DLG2: variants seen among roughly 807,000 people sequenced by gnomAD.
The protein encoded by DLG2 is disks large homolog 2.
DLG2 carries 45 observed loss-of-function variants against 132.5 expected under a neutral mutation model. That is an observed-to-expected ratio of 0.34 (90% CI 0.27 to 0.44). The LOEUF (loss-of-function observed/expected upper bound fraction) is 0.44. Ranked by LOEUF, DLG2 falls within the 20% of genes least tolerant of loss-of-function variation. The pLI is 1.00. For synonymous variants in DLG2, 424 were observed against 419.6 expected (o/e 1.01, Z -0.13); for missense variants, 1,045 against 1,196.9 (o/e 0.87, Z 1.87).
intron 10 of DLG2, among the ~76,000 whole-genome samples, chr11:84,090,702 T>G (rs1437101661): frequency 1.3e-5 from 2 of 152,162 alleles, no homozygotes; most frequent in Non-Finnish European, 2.9e-5. Flanking sequence ...TGGAAAGAAA[T>G]TTGGTAACAT....
intron 6 of DLG2, among the ~76,000 whole-genome samples, chr11:84,801,741 C>T (rs190766117): frequency 5.3e-5 from 8 of 152,206 alleles, no homozygotes; most frequent in Admixed American, 3.3e-4. Flanking sequence ...CCATAAAATA[C>T]TTAAAGTCTT....
intron 6 of DLG2, among the ~76,000 whole-genome samples, chr11:84,771,080 C>A (rs1037847195): frequency 1.3e-5 from 2 of 152,074 alleles, no homozygotes; most frequent in African/African-American, 4.8e-5. Context: ...CTGCAGTAAA[C>A]GTGTGGTATG....
chr11:84,000,173 T>A (rs973809904), intron 11 of DLG2, among the ~76,000 whole-genome samples: 1 of 152,110 alleles, frequency 6.6e-6, no homozygotes, highest in African/African-American at 2.4e-5. Context: ...GAGATAGATA[T>A]CATACAAAAG....
chr11:84,133,841 T>C (rs1018543260), intron 9 of DLG2, among the ~76,000 whole-genome samples: 20 of 152,032 alleles, frequency 1.3e-4, no homozygotes, highest in African/African-American at 4.8e-4. Flanking sequence ...AGGAACAATA[T>C]AGGATATCTG....
intron 5 of DLG2, among the ~76,000 whole-genome samples, chr11:85,118,952 A>T (rs866967941): frequency 6.6e-6 from 1 of 151,692 alleles, no homozygotes; most frequent in African/African-American, 2.4e-5. Flanking sequence ...TAGTAATAAG[A>T]TAAATACTAT....
chr11:85,615,305 C>G (rs1468551623), intron 2 of DLG2, among the ~76,000 whole-genome samples: 2 of 152,082 alleles, frequency 1.3e-5, no homozygotes, highest in Non-Finnish European at 2.9e-5. Flanking sequence ...TCACTTTGAG[C>G]TCAGGAGTTC....
chr11:84,723,572 C>T lies in DLG2; in HGVS notation c.358-188841G>A, dbSNP rs936446904. On this transcript the variant is annotated intron_variant, in intron 6 of 27. Transcript: ENST00000376104. ...GGGGAAAGTGGTTTCCATGACAATG[C>T]ATTCCATAGTTACAGCCAGTAACCA... Among the ~76,000 whole-genome samples, 54 of 152,096 alleles carry T rather than the reference C, an allele frequency of 3.6e-4. 1 individual carries two copies.
chr11:83,471,111 A>G (rs2091968977), intron 24 of DLG2, among the ~76,000 whole-genome samples: 1 of 152,116 alleles, frequency 6.6e-6, no homozygotes, highest in African/African-American at 2.4e-5. Context: ...GTAATGGCCT[A>G]GAGGTCAAAT....
At chr11:84,114,858 C>T (rs12365077) in intron 9 of DLG2, among the ~76,000 whole-genome samples, 13,307 of 142,580 alleles carry the variant, frequency 0.093, 782 homozygotes, top group African/African-American at 0.18. Context: ...TTTATAGAGA[C>T]AGGGTTTTGC....
intron 7 of DLG2, among the ~76,000 whole-genome samples, chr11:84,529,622 A>T (rs1409009711): frequency 6.6e-6 from 1 of 152,190 alleles, no homozygotes; most frequent in Non-Finnish European, 1.5e-5. Context: ...GATGACAAAA[A>T]AATTGCTCAA....
In DLG2 at chr11:83,962,946, T is replaced by C. The variant is rs368428456; in HGVS notation, c.1279A>G (p.Ile427Val). Reference sequence around the variant, plus strand: ...ATTGGTGAGTACCTTCCTGGAGAGATGGGTGGCAGGGAGGTTTTATATTCT... The same window carrying C: ...ATTGGTGAGTACCTTCCTGGAGAGACGGGTGGCAGGGAGGTTTTATATTCT... ...TLEYKTSLPP[I>V]SPGRYSPIPK... The change falls in exon 14 of 28, where the codon ATC becomes GTC. Residue 427 changes from isoleucine (I) to valine (V), a missense_variant. By Grantham distance (29) the Ile-to-Val change is conservative. This residue lies in a region of DLG2 where 261 missense variants were observed against 256.1 expected (regional missense o/e 1.02). Coordinates refer to ENST00000376104, the MANE Select transcript of DLG2 (RefSeq NM_001142699.3). 3.1e-6 allele frequency: 5 copies of C among 1,613,042 alleles called. No individual in the cohort carries two copies. In the African/African-American group the frequency reaches 4.0e-5, roughly 13 times the overall value.
intron 3 of DLG2, among the ~76,000 whole-genome samples, chr11:85,391,448 T>C (rs2086790759): frequency 6.6e-6 from 1 of 152,002 alleles, no homozygotes; most frequent in Admixed American, 6.6e-5. Context: ...ATGAAGCCAG[T>C]ATCACTAATA....
At chr11:85,577,563 A>T (rs1318905874) in intron 3 of DLG2, among the ~76,000 whole-genome samples, 1 of 152,118 alleles carries the variant, frequency 6.6e-6, no homozygotes, top group African/African-American at 2.4e-5. Flanking sequence ...CTCGACAGAC[A>T]ACCAAGTGGA....
chr11:83,712,930 A>C lies in DLG2; in HGVS notation c.1825+73760T>G, dbSNP rs1471663045. 2.6e-5 allele frequency among the ~76,000 whole-genome samples: 4 copies of C among 152,138 alleles called. No homozygotes were observed. In the South Asian group the frequency reaches 6.2e-4, roughly 24 times the overall value. ...GTGGCACAAGTTTACCTATGTAATAAACCTGCGCATCCTGCCCATGTACCC... is the reference window on the plus strand; with the variant it reads ...GTGGCACAAGTTTACCTATGTAATACACCTGCGCATCCTGCCCATGTACCC... On this transcript the variant is annotated intron_variant, in intron 18 of 27. Coordinates refer to ENST00000376104, the MANE Select transcript of DLG2 (RefSeq NM_001142699.3).
chr11:85,621,523 A>G (rs935240599), intron 2 of DLG2, among the ~76,000 whole-genome samples: 11 of 152,218 alleles, frequency 7.2e-5, no homozygotes, highest in African/African-American at 2.7e-4. Flanking sequence ...CTTGATTCAC[A>G]GGAGGAGGTC....
chr11:85,293,388 G>A (rs1436691351), intron 3 of DLG2, among the ~76,000 whole-genome samples: 3 of 152,092 alleles, frequency 2.0e-5, no homozygotes, highest in Non-Finnish European at 4.4e-5. Context: ...AATATAGTGA[G>A]ACCTCATCTC....
intron 11 of DLG2, among the ~76,000 whole-genome samples, chr11:83,983,040 T>C (rs1301279271): frequency 2.0e-5 from 3 of 152,134 alleles, no homozygotes; most frequent in Non-Finnish European, 4.4e-5. Context: ...CCCATAACAA[T>C]GATGACATTG....
intron 19 of DLG2, among the ~76,000 whole-genome samples, chr11:83,549,192 G>A (rs992292463): frequency 2.6e-5 from 4 of 152,092 alleles, no homozygotes; most frequent in Admixed American, 2.0e-4. Context: ...GGAAAATAAA[G>A]TCTGCTCTCT....
chr11:85,313,960 C>G (rs1382721868), intron 3 of DLG2, among the ~76,000 whole-genome samples: 1 of 151,890 alleles, frequency 6.6e-6, no homozygotes, highest in Non-Finnish European at 1.5e-5. Flanking sequence ...TAACACAACT[C>G]CCTCTGTGTT....
Sources: gnomAD v4.1 joint callset for allele counts (sites outside exome capture counted in the v4.1 genomes callset) on GRCh38, gnomAD v4.1.1 for gene constraint, gnomAD v4.1.1 regional missense constraint, MANE v1.5 for transcripts, NCBI Gene and HGNC (gene_info 2026-07-23, HGNC 2026-07-21) for gene names.